Variants in CNTN2 observed in about 807,000 individuals in gnomAD.
CNTN2 encodes contactin-2.
A neutral mutation model predicts 117.5 loss-of-function variants in CNTN2; 53 were observed. That is an observed-to-expected ratio of 0.45 (90% CI 0.36 to 0.57). CNTN2 has a LOEUF of 0.57. Among genes scored for constraint, CNTN2 ranks in the 20% least tolerant of loss-of-function variants. The pLI is 0.00. For missense variants in CNTN2, 1,106 were observed against 1,404.3 expected (o/e 0.79, Z 3.39); for synonymous variants, 530 against 561.7 (o/e 0.94, Z 0.80).
At position 205,072,535 on chromosome 1, in the gene CNTN2, T is replaced by C. The variant is rs1354778874; in HGVS notation, c.2784T>C (p.Leu928=). ...CCTGGACTTTCTCAAGCTCTAGTCT[T>C]AGCATTAAGTGGGACCCTGTGGTCC... ...NISWTFSSSS[L]SIKWDPVVPF... Residue 928 remains leucine, a synonymous_variant, in exon 21 of 23, where the codon CTT becomes CTC. Transcript: ENST00000331830. 6.2e-7 allele frequency: 1 copy of C among 1,614,168 alleles called. No individual in the cohort carries two copies. The highest frequency in any genetic ancestry group is 8.5e-7 in the Non-Finnish European group (1 of 1,180,044).
chr1:205,065,904 T>G lies in CNTN2; in HGVS notation c.1811T>G (p.Val604Gly). 1 of 1,611,274 alleles carries G rather than the reference T, an allele frequency of 6.2e-7. No individual in the cohort carries two copies. Among genetic ancestry groups the G allele is most frequent in the Non-Finnish European group, 8.5e-7 (1 of 1,178,454 alleles). Residue 604 changes from valine to glycine, a missense_variant, in exon 14 of 23, where the codon GTC becomes GGC. Physicochemically the swap from Val to Gly is moderately radical, Grantham distance 109. Transcript: ENST00000331830. The surrounding 1 kb of genome is among the most constrained non-coding windows in gnomAD (Gnocchi z 4.1). ...DSASKEATVL[V>G]RGPPGPPGGV... ...GCGTCCAAGGAGGCCACAGTCCTGGTCCGAGGTGAGGGGTTTCCCACCTCT... is the reference window on the plus strand; with the variant it reads ...GCGTCCAAGGAGGCCACAGTCCTGGGCCGAGGTGAGGGGTTTCCCACCTCT...
At chr1:205,049,847 A>G (rs2096449257) in intron 1 of CNTN2, among the ~76,000 whole-genome samples, 1 of 152,194 alleles carries the variant, frequency 6.6e-6, no homozygotes, top group Non-Finnish European at 1.5e-5. Flanking sequence ...TCCTGCATAT[A>G]AAGCAGATAC....
chr1:205,058,481 G>A lies in CNTN2; in HGVS notation c.392-87G>A, dbSNP rs1294790184. On this transcript the variant is annotated intron_variant, in intron 4 of 22. Transcript: ENST00000331830. The surrounding 1 kb of genome is among the most constrained non-coding windows in gnomAD (Gnocchi z 4.3). ...CTGACCTCACATGACATGCCTTAGT[G>A]AACTGCTGCTTCTCCGTGAAGGATG... 1 of 1,557,220 alleles carries A rather than the reference G, an allele frequency of 6.4e-7. No homozygotes were observed.
chr1:205,049,282 ACAC>A (rs1558534831), intron 1 of CNTN2, among the ~76,000 whole-genome samples: 3,516 of 48,818 alleles, frequency 0.072, 73 homozygotes, highest in African/African-American at 0.19. Flanking sequence ...CTCACACCCG[ACAC>A]ACACACACAC....
intron 10 of CNTN2, among the ~76,000 whole-genome samples, 196 bp from the exon 11 acceptor site, chr1:205,064,126 A>AGGGGGGGGGGGGGGGGGGCGGG (rs11329962): frequency 1.1e-5 from 1 of 94,372 alleles, no homozygotes; most frequent in Non-Finnish European, 2.5e-5. Flanking sequence ...TGAGGGGCGG[A>AGGGGGGGGGGGGGGGGGGCGGG]GGGGGGGCGC....
chr1:205,067,411 A>C, intron 16 of CNTN2, 161 bp downstream of exon 16: 1 of 783,644 alleles, frequency 1.3e-6, no homozygotes, highest in Non-Finnish European at 1.9e-6. Flanking sequence ...AGTTGGGACC[A>C]GGGCCACTGC....
chr1:205,069,947 T>C lies in CNTN2; in HGVS notation c.2317T>C (p.Tyr773His). 1 of 1,613,640 alleles carries C rather than the reference T, an allele frequency of 6.2e-7. No homozygotes were observed. The highest frequency in any genetic ancestry group is 8.5e-7 in the Non-Finnish European group (1 of 1,180,000). Reference sequence around the variant, plus strand: ...TGGCGCCGATGCCCAGTACTTTGTCTACAGCAACGAGAGCGTCCGGCCCTA... The same window carrying C: ...TGGCGCCGATGCCCAGTACTTTGTCCACAGCAACGAGAGCGTCCGGCCCTA... ...VPGADAQYFV[Y>H]SNESVRPYTP... The change falls in exon 18 of 23, where the codon TAC becomes CAC. Residue 773 changes from tyrosine (Y) to histidine (H), a missense_variant. Physicochemically the swap from Tyr to His is moderately conservative, Grantham distance 83. Coordinates refer to ENST00000331830, the MANE Select transcript of CNTN2 (RefSeq NM_005076.5).
intron 1 of CNTN2, among the ~76,000 whole-genome samples, chr1:205,051,496 T>C (rs1460076962): frequency 2.6e-5 from 4 of 151,640 alleles, no homozygotes; most frequent in Non-Finnish European, 5.9e-5. Flanking sequence ...GAACTGAGAG[T>C]GGCAAGGACA....
Position 205,065,409 on chromosome 1 carries a change from T to A in CNTN2, c.1695+147T>A. ...GGCCCACACATGGCAAGCTCATCCT[T>A]GGATGAACAGCTGACCTTCCTGGAT... On this transcript the variant is annotated intron_variant, in intron 13 of 22. Coordinates refer to ENST00000331830, the MANE Select transcript of CNTN2 (RefSeq NM_005076.5). The surrounding 1 kb of genome is among the most constrained non-coding windows in gnomAD (Gnocchi z 4.1). 2.3e-6 allele frequency: 2 copies of A among 851,692 alleles called. No homozygotes were observed. The highest frequency in any genetic ancestry group is 3.6e-6 in the Non-Finnish European group (2 of 552,434). The allele number at this position is 851,692 out of a possible 1,614,324, so 52.8% of individuals were successfully genotyped here. A position where few individuals can be genotyped will look rare whatever the true frequency, so the allele number is the denominator to read the frequency against.
intron 7 of CNTN2, chr1:205,060,715 CAA>C (rs34919627): frequency 2.0e-3 from 197 of 96,384 alleles, no homozygotes; most frequent in Admixed American, 6.4e-3. Context: ...GACTCCGTCT[CAA>C]AAAAAAAAAA....
In CNTN2 at chr1:205,059,003, G is replaced by A. The variant is rs945778733; in HGVS notation, c.488-81G>A. The A allele has an allele frequency of 5.5e-5, 70 of 1,283,216 alleles. 1 individual carries two copies. Among genetic ancestry groups the A allele is most frequent in the Middle Eastern group, 3.7e-4 (2 of 5,428 alleles). The allele number at this position is 1,283,216 out of a possible 1,614,324, so 79.5% of individuals were successfully genotyped here. ...CTGTCAGGACAGGGCTTGCAGAACC[G>A]CACCAGCATGCTGGGGTCCCACCCA... is the stretch of plus-strand genomic sequence containing the variant. On this transcript the variant is annotated intron_variant, in intron 5 of 22. Transcript: ENST00000331830. This position sits in a 1 kb window ranked among gnomAD's most constrained non-coding sequence, Gnocchi z 5.6.
Position 205,069,715 on chromosome 1 carries a change from T to C in CNTN2, c.2197-112T>C. 6 of 1,424,994 alleles carry C rather than the reference T, an allele frequency of 4.2e-6. No homozygotes were observed. In the South Asian group the frequency reaches 5.0e-5, roughly 12 times the overall value. 88.3% of individuals were successfully genotyped at this position (1,424,994 alleles called of 1,614,324 possible). ...CGCTGCCCCTTACGCGAATCCACGCTGCAGGCGTAGGCGTCCAGGGCCGCT... is the reference window on the plus strand; with the variant it reads ...CGCTGCCCCTTACGCGAATCCACGCCGCAGGCGTAGGCGTCCAGGGCCGCT... On this transcript the variant is annotated intron_variant, in intron 17 of 22. Coordinates refer to ENST00000331830, the MANE Select transcript of CNTN2 (RefSeq NM_005076.5).
At chr1:205,066,937 T>G (rs1420565350) in intron 15 of CNTN2, among the ~76,000 whole-genome samples, 164 bp from the exon 16 acceptor site, 1 of 152,010 alleles carries the variant, frequency 6.6e-6, no homozygotes, top group African/African-American at 2.4e-5. Context: ...ATAGGGAAAT[T>G]GAGTAGTTTT....
rs772902830 is a variant in CNTN2 at position 205,058,091 on chromosome 1, G to A, written c.215+26G>A. 34 of 1,609,990 alleles carry A rather than the reference G, an allele frequency of 2.1e-5. No individual in the cohort carries two copies. The Admixed American group carries it at 4.2e-4, about 20-fold the overall frequency. ...GTAAGGCCTCTGCAGTGGGTGCTGG[G>A]AGGCCCTGGGCAGCCGTTGAACTTT... On this transcript the variant is annotated intron_variant, in intron 3 of 22. Coordinates refer to ENST00000331830, the MANE Select transcript of CNTN2 (RefSeq NM_005076.5). This position sits in a 1 kb window ranked among gnomAD's most constrained non-coding sequence, Gnocchi z 4.3.
chr1:205,066,272 G>A (rs980836718), intron 14 of CNTN2, 169 bp from the exon 15 acceptor site: 5 of 735,454 alleles, frequency 6.8e-6, no homozygotes, highest in African/African-American at 5.3e-5. Context: ...ACTGGCACCC[G>A]CCCCAACTGC....
rs1341122914 is a variant in CNTN2, at chr1:205,075,782, A to AG, written c.*2021dup. On this transcript the variant is annotated 3_prime_UTR_variant, in exon 23 of 23. Coordinates refer to ENST00000331830, the MANE Select transcript of CNTN2 (RefSeq NM_005076.5). ...CCCAACCCTTACAAGCAAGGGTGCT[A>AG]GGGGCTCAGCTATACGACCATTCTC... The AG allele has an allele frequency of 7.0e-6, 1 of 143,040 alleles. No individual in the cohort carries two copies. The highest frequency in any genetic ancestry group is 1.5e-5 in the Non-Finnish European group (1 of 66,376). 8.9% of individuals were successfully genotyped at this position (143,040 alleles called of 1,614,324 possible).
At chr1:205,066,645 G>A (rs781599000) in intron 15 of CNTN2, 46 bp downstream of exon 15, 8 of 1,596,252 alleles carry the variant, frequency 5.0e-6, no homozygotes, top group South Asian at 4.5e-5. Context: ...GGCTCGACTG[G>A]GTGTAGGAGG....
Position 205,074,068 on chromosome 1 carries a change from G to A in CNTN2, c.*303G>A. ...GGAACAGGCCCATGGGAAGAAGGGG[G>A]TTTTAAAAACATGTCTTCAACTCAG... On this transcript the variant is annotated 3_prime_UTR_variant, in exon 23 of 23. Coordinates refer to ENST00000331830, the MANE Select transcript of CNTN2 (RefSeq NM_005076.5). 1.8e-6 allele frequency: 1 copy of A among 570,082 alleles called. No homozygotes were observed. Among genetic ancestry groups the A allele is most frequent in the South Asian group, 2.5e-5 (1 of 40,258 alleles). 35.3% of individuals were successfully genotyped at this position (570,082 alleles called of 1,614,324 possible).
rs1344189346 is a variant in CNTN2, at chr1:205,048,329, G to A, written c.-86-4771G>A. The stretch of plus-strand genomic sequence containing the variant: ...GGGCCTTATCCCAGAAAACCTTGTC[G>A]TGTGTTGGAGCCCCACTCATAGCCT... On this transcript the variant is annotated intron_variant, in intron 1 of 22. Transcript: ENST00000331830. The surrounding 1 kb of genome is among the most constrained non-coding windows in gnomAD (Gnocchi z 4.1). 1.3e-5 allele frequency among the ~76,000 whole-genome samples: 2 copies of A among 150,972 alleles called. No individual in the cohort carries two copies. The highest frequency in any genetic ancestry group is 2.4e-5 in the African/African-American group (1 of 41,300).
Sources: gnomAD v4.1 joint callset for allele counts (sites outside exome capture counted in the v4.1 genomes callset) on GRCh38, gnomAD v4.1.1 for gene constraint, Gnocchi (gnomAD v3.1) non-coding constraint, MANE v1.5 for transcripts, NCBI Gene and HGNC (gene_info 2026-07-23, HGNC 2026-07-21) for gene names.